The following MAP3K9 variants were observed in gnomAD, a reference collection of about 807,000 sequenced individuals.
MAP3K9 encodes the protein mitogen-activated protein kinase kinase kinase 9.
MAP3K9 carries 46 observed loss-of-function variants against 95.8 expected under a neutral mutation model. The observed-to-expected ratio is 0.48, with a 90% CI of 0.38 to 0.61. The LOEUF (loss-of-function observed/expected upper bound fraction) is 0.61, where lower values mean the gene tolerates loss of function less well. Among genes scored for constraint, MAP3K9 ranks in the 20% least tolerant of loss-of-function variants. MAP3K9 has a pLI of 0.00. For missense variants in MAP3K9, 1,296 were observed against 1,474.3 expected, an observed-to-expected ratio of 0.88 and a Z score of 1.98; for synonymous variants, 533 against 593.8, an observed-to-expected ratio of 0.90 and a Z score of 1.49.
chr14:70,724,902 C>T lies in MAP3K9; in HGVS notation c.*5478G>A, dbSNP rs1469327904. On this transcript the variant is annotated 3_prime_UTR_variant, in exon 12 of 12. Transcript: ENST00000554752. Reference sequence around the variant, plus strand: ...CTGGAATGGTATTCTGCTGTCCAATCCTGAGACACCTAACTAGTTAGACAC... The same window carrying T: ...CTGGAATGGTATTCTGCTGTCCAATTCTGAGACACCTAACTAGTTAGACAC... The T allele has an allele frequency of 1.3e-5, 2 of 152,208 alleles. No homozygotes were observed. The allele number at this position is 152,208 out of a possible 1,614,324, so 9.4% of individuals were successfully genotyped here. A position where few individuals can be genotyped will look rare whatever the true frequency, so the allele number is the denominator to read the frequency against.
At chr14:70,790,497 C>G (rs1238526310) in intron 2 of MAP3K9, among the ~76,000 whole-genome samples, 1 of 152,214 alleles carries the variant, frequency 6.6e-6, no homozygotes, top group East Asian at 1.9e-4. Flanking sequence ...GTGTCAAGGA[C>G]AGCCCTGGGG....
At chr14:70,781,212 TG>T (rs765545746) in intron 2 of MAP3K9, among the ~76,000 whole-genome samples, 1 of 152,256 alleles carries the variant, frequency 6.6e-6, no homozygotes, top group Non-Finnish European at 1.5e-5. Context: ...CCATGTTCAC[TG>T]GAACACTTGG....
chr14:70,797,232 A>G (rs2054874428), intron 2 of MAP3K9, among the ~76,000 whole-genome samples: 1 of 152,150 alleles, frequency 6.6e-6, no homozygotes, highest in South Asian at 2.1e-4. Context: ...CCCTCACATG[A>G]CAATGACCAA....
chr14:70,808,074 G>A (rs796806614), intron 1 of MAP3K9, among the ~76,000 whole-genome samples: 5 of 152,312 alleles, frequency 3.3e-5, no homozygotes, highest in African/African-American at 1.2e-4. Context: ...TCCCATGGGG[G>A]AACGACATAC....
chr14:70,730,933 C>A (rs1231722871), intron 11 of MAP3K9, 69 bp from the exon 12 acceptor site: 3 of 1,447,524 alleles, frequency 2.1e-6, no homozygotes, highest in East Asian at 4.6e-5. Flanking sequence ...ATCCGCTACT[C>A]CCCCCCAACA....
Position 70,783,404 on chromosome 14 carries a change from AAAG to A in MAP3K9, c.820+17260_820+17262del, listed in dbSNP as rs1379925280. 9 of 985,436 alleles carry A rather than the reference AAAG, an allele frequency of 9.1e-6. No homozygotes were observed. In the East Asian group the frequency reaches 6.8e-4, roughly 75 times the overall value. The allele number at this position is 985,436 out of a possible 1,614,324, so 61.0% of individuals were successfully genotyped here. A position where few individuals can be genotyped will look rare whatever the true frequency, so the allele number is the denominator to read the frequency against. On this transcript the variant is annotated intron_variant, in intron 2 of 11. Transcript: ENST00000554752. ...TTAATTCCATCCACTGTCCTTATAG[AAAG>A]AAGCTCCCTCATTTCCTGCTCAAAA...
At chr14:70,780,658 C>A (rs574805891) in intron 2 of MAP3K9, among the ~76,000 whole-genome samples, 31 of 152,262 alleles carry the variant, frequency 2.0e-4, no homozygotes, top group South Asian at 8.3e-4. Context: ...CTCATCCAGG[C>A]GCAGATATCA....
intron 3 of MAP3K9, among the ~76,000 whole-genome samples, chr14:70,757,427 C>T (rs370468573): frequency 4.1e-5 from 6 of 146,530 alleles, no homozygotes; most frequent in African/African-American, 1.5e-4. Context: ...CACCACTGCA[C>T]TCCAGCTCAA....
At position 70,722,897 on chromosome 14, in the gene MAP3K9, C is replaced by T. The variant is rs1386434314; in HGVS notation, c.*7483G>A. On this transcript the variant is annotated 3_prime_UTR_variant, in exon 12 of 12. Transcript: ENST00000554752. ...GCAACCAAACAAACACATGTGTGAA[C>T]TTTCACTTCACCTAGACTTAAAAGC... 1 of 152,200 alleles carries T rather than the reference C, an allele frequency of 6.6e-6. No homozygotes were observed. Among genetic ancestry groups the T allele is most frequent in the Non-Finnish European group, 1.5e-5 (1 of 68,038 alleles). The allele number at this position is 152,200 out of a possible 1,614,324, so 9.4% of individuals were successfully genotyped here. A position where few individuals can be genotyped will look rare whatever the true frequency, so the allele number is the denominator to read the frequency against.
intron 1 of MAP3K9, among the ~76,000 whole-genome samples, chr14:70,802,922 T>C (rs1349867463): frequency 6.6e-6 from 1 of 152,116 alleles, no homozygotes; most frequent in Non-Finnish European, 1.5e-5. Flanking sequence ...CATGTTGAAA[T>C]GTAAGCCCCA....
rs762423971 is a variant in MAP3K9, at chr14:70,733,214, C to G, written c.2155G>C (p.Glu719Gln). The G allele has an allele frequency of 3.4e-5, 54 of 1,611,364 alleles. No individual in the cohort carries two copies. The highest frequency in any genetic ancestry group is 1.7e-5 in the Admixed American group (1 of 59,860). ...GDGPSSDGIH[E>Q]EPTPVNSATS... ...GCCGAGTTGACTGGGGTGGGCTCCTCATGGATTCCATCACTGGAGGGGCCA... is the reference window on the plus strand; with the variant it reads ...GCCGAGTTGACTGGGGTGGGCTCCTGATGGATTCCATCACTGGAGGGGCCA... Residue 719 changes from glutamate to glutamine, a missense_variant, in exon 11 of 12, where the codon GAG (glutamate) becomes CAG (glutamine). Physicochemically the swap from Glu to Gln is conservative, Grantham distance 29 (BLOSUM62 2). Coordinates refer to ENST00000554752, the MANE Select transcript of MAP3K9 (RefSeq NM_001284230.2).
At chr14:70,744,057 G>A (rs1172263007) in intron 5 of MAP3K9, among the ~76,000 whole-genome samples, 1 of 152,166 alleles carries the variant, frequency 6.6e-6, no homozygotes, top group Non-Finnish European at 1.5e-5. Context: ...TTGCAGGGAC[G>A]TGGATGAAGC....
intron 2 of MAP3K9, among the ~76,000 whole-genome samples, chr14:70,772,439 AAC>A (rs2054544317): frequency 1.3e-5 from 2 of 152,336 alleles, no homozygotes; most frequent in Admixed American, 6.5e-5. Flanking sequence ...AGTAAAGCTG[AAC>A]TACAGTGGTC....
chr14:70,770,509 T>G (rs2054516823), intron 2 of MAP3K9, among the ~76,000 whole-genome samples: 1 of 152,112 alleles, frequency 6.6e-6, no homozygotes, highest in African/African-American at 2.4e-5. Flanking sequence ...TAAATTCACA[T>G]GGACCTACCT....
intron 2 of MAP3K9, among the ~76,000 whole-genome samples, chr14:70,785,942 T>C (rs551084773): frequency 6.6e-6 from 1 of 152,262 alleles, no homozygotes; most frequent in East Asian, 1.9e-4. Flanking sequence ...GAGAGTGAAA[T>C]GGCAGATAAG....
chr14:70,794,044 G>A (rs1256050369), intron 2 of MAP3K9, among the ~76,000 whole-genome samples: 4 of 152,176 alleles, frequency 2.6e-5, no homozygotes, highest in Admixed American at 6.5e-5. Context: ...GATATGTGAT[G>A]GGCTACCAGA....
At chr14:70,774,086 T>C (rs2054564353) in intron 2 of MAP3K9, among the ~76,000 whole-genome samples, 1 of 152,238 alleles carries the variant, frequency 6.6e-6, no homozygotes, top group African/African-American at 2.4e-5. Context: ...GTAAAGTTAA[T>C]CAACCTGAAA....
At position 70,730,445 on chromosome 14, in the gene MAP3K9, A is replaced by C; in HGVS notation, c.3250T>G (p.Cys1084Gly). The change falls in exon 12 of 12, where the codon TGC (cysteine) becomes GGC (glycine). Residue 1084 changes from cysteine (C) to glycine (G), a missense_variant. Around this residue, in one of 5 missense-constraint regions of MAP3K9, gnomAD observed 433 missense variants for 441.4 expected, o/e 0.98. Transcript: ENST00000554752. ...GQSQDSTVPL[C>G]RAELNTHRPA... ...CTGTGTGTGTTCAGTTCCGCTCTGC[A>C]CAGCGGCACGGTGCTGTCCTGACTC... is the stretch of plus-strand genomic sequence containing the variant. 6.2e-7 allele frequency: 1 copy of C among 1,614,216 alleles called. No homozygotes were observed. Among genetic ancestry groups the C allele is most frequent in the Non-Finnish European group, 8.5e-7 (1 of 1,180,042 alleles).
At chr14:70,774,578 G>A (rs1254883808) in intron 2 of MAP3K9, among the ~76,000 whole-genome samples, 3 of 151,960 alleles carry the variant, frequency 2.0e-5, no homozygotes, top group South Asian at 2.1e-4. Flanking sequence ...CAGGAGAATC[G>A]CTTGAACCTG....
Sources: gnomAD v4.1 joint callset for allele counts (sites outside exome capture counted in the v4.1 genomes callset) on GRCh38, gnomAD v4.1.1 for gene constraint, gnomAD v4.1.1 regional missense constraint, MANE v1.5 for transcripts, NCBI Gene and HGNC (gene_info 2026-07-23, HGNC 2026-07-21) for gene names.